Variants in INSR observed in about 807,000 individuals in gnomAD.
INSR encodes the protein insulin receptor.
Under a neutral mutation model 142.6 loss-of-function variants are expected in INSR, and 67 were observed. That is an observed-to-expected ratio of 0.47 (90% confidence interval 0.39 to 0.58). The LOEUF is 0.58. INSR is among the 20% of genes least tolerant of loss of function. INSR has a pLI of 0.00. For synonymous variants in INSR, 756 were observed against 743.1 expected (o/e 1.02, Z -0.28); for missense variants, 1,248 against 1,833.2 (o/e 0.68, Z 5.83).
Position 7,258,353 on chromosome 19 carries a change from G to GCCAGAA in INSR, c.652+8991_652+8992insTTCTGG, listed in dbSNP as rs1358166081. On this transcript the variant is annotated intron_variant, in intron 2 of 21. Transcript: ENST00000302850. ...ACTGAGGAGGCTGACTGAGGTGGCA[G>GCCAGAA]TGGCCTATGATCACCCCACTGCACT... Among the ~76,000 whole-genome samples the GCCAGAA allele has an allele frequency of 8.2e-3, 1,242 of 150,612 alleles. 15 individuals carry two copies. The highest frequency in any genetic ancestry group is 0.01 in the Middle Eastern group (3 of 290).
intron 2 of INSR, among the ~76,000 whole-genome samples, chr19:7,212,776 G>A (rs1359598551): frequency 2.6e-5 from 4 of 151,738 alleles, no homozygotes; most frequent in African/African-American, 7.3e-5. Flanking sequence ...TAGTAAAGAC[G>A]GGGCTTCACC....
chr19:7,207,028 A>T (rs1246633427), intron 2 of INSR, among the ~76,000 whole-genome samples: 1 of 152,166 alleles, frequency 6.6e-6, no homozygotes, highest in African/African-American at 2.4e-5. Flanking sequence ...TTTGAGGGCC[A>T]TTGGGAGCAT....
intron 1 of INSR, among the ~76,000 whole-genome samples, chr19:7,293,479 T>G (rs1043497071): frequency 6.6e-6 from 1 of 152,164 alleles, no homozygotes; most frequent in Non-Finnish European, 1.5e-5. Flanking sequence ...CCGGAGCGAC[T>G]TGGGCTCGGA....
At chr19:7,164,229 G>C (rs1190906644) in intron 8 of INSR, among the ~76,000 whole-genome samples, 1 of 152,022 alleles carries the variant, frequency 6.6e-6, no homozygotes, top group Non-Finnish European at 1.5e-5. Context: ...GCAGGACATG[G>C]AACAGCCTCT....
intron 2 of INSR, among the ~76,000 whole-genome samples, chr19:7,212,061 G>A (rs971492375): frequency 2.6e-5 from 4 of 152,082 alleles, no homozygotes; most frequent in African/African-American, 9.7e-5. Context: ...GGGAGGGGCC[G>A]TCTTGTACAT....
chr19:7,211,772 A>T (rs1975280460), intron 2 of INSR, among the ~76,000 whole-genome samples: 1 of 151,924 alleles, frequency 6.6e-6, no homozygotes, highest in Non-Finnish European at 1.5e-5. Flanking sequence ...ACAATCCACA[A>T]CGCTTATCAG....
Position 7,125,700 on chromosome 19 carries a change from A to G in INSR, c.3014-173T>C, listed in dbSNP as rs1217683126. On this transcript the variant is annotated intron_variant, in intron 16 of 21. Coordinates refer to ENST00000302850, the MANE Select transcript of INSR (RefSeq NM_000208.4). This position sits in a 1 kb window ranked among gnomAD's most constrained non-coding sequence, Gnocchi z 4.9. ...GGCCGAGAACAGGACAGGCATCTGC[A>G]CCCATGGAGAGGGCATGGCAGAGAC... 6.6e-6 allele frequency among the ~76,000 whole-genome samples: 1 copy of G among 152,112 alleles called. No individual in the cohort carries two copies. Among genetic ancestry groups the G allele is most frequent in the Non-Finnish European group, 1.5e-5 (1 of 68,012 alleles).
chr19:7,253,109 GC>G (rs1976781838), intron 2 of INSR, among the ~76,000 whole-genome samples: 1 of 89,674 alleles, frequency 1.1e-5, no homozygotes. Flanking sequence ...GTGAGACTCC[GC>G]CAAAAAAAAA....
intron 1 of INSR, among the ~76,000 whole-genome samples, chr19:7,287,088 A>G (rs546491726): frequency 4.0e-5 from 6 of 151,054 alleles, no homozygotes; most frequent in Admixed American, 1.3e-4. Context: ...GGACACATGT[A>G]ATCCTCCCAC....
At chr19:7,221,636 A>G (rs1445154654) in intron 2 of INSR, among the ~76,000 whole-genome samples, 2 of 150,398 alleles carry the variant, frequency 1.3e-5, no homozygotes, top group Non-Finnish European at 3.0e-5. Context: ...TGAACCTGAG[A>G]GGCGGAGGTT....
intron 2 of INSR, among the ~76,000 whole-genome samples, chr19:7,185,905 A>G (rs1205283852): frequency 1.4e-5 from 2 of 144,004 alleles, no homozygotes; most frequent in African/African-American, 5.2e-5. Context: ...AAGGAAGGAA[A>G]AAAAAAAGGC....
chr19:7,205,102 C>G (rs1056079142), intron 2 of INSR, among the ~76,000 whole-genome samples: 1 of 152,168 alleles, frequency 6.6e-6, no homozygotes, highest in East Asian at 1.9e-4. Flanking sequence ...GTTTACTAGG[C>G]AGCAAAACAC....
intron 2 of INSR, among the ~76,000 whole-genome samples, chr19:7,220,658 T>C (rs1975584344): frequency 2.6e-5 from 4 of 152,082 alleles, no homozygotes; most frequent in Admixed American, 2.0e-4. Context: ...TTCGAAAAAC[T>C]GGGACTAACA....
Position 7,267,408 on chromosome 19 carries a change from G to A in INSR, c.589C>T (p.Pro197Ser). 6.2e-7 allele frequency: 1 copy of A among 1,614,132 alleles called. No homozygotes were observed. Residue 197 changes from proline (P) to serine (S), a missense_variant, in exon 2 of 22, where the codon CCC becomes TCC. Transcript: ENST00000302850. This position sits in a 1 kb window ranked among gnomAD's most constrained non-coding sequence, Gnocchi z 6.3. ...PGTAKGKTNC[P>S]ATVINGQFVE... ...AACTGCCCGTTGATGACGGTGGCGG[G>A]GCAGTTGGTCTTGCCCTTCGCGGTA...
In INSR at chr19:7,168,086, C is replaced by T; in HGVS notation, c.1492G>A (p.Glu498Lys). ...CGAATGTAAGAAAATTTAAGTAACT[C>T]ATTTTCACCTGGAAAAGTTAAAACA... ...TNGDQASCEN[E>K]LLKFSYIRTS... Residue 498 changes from glutamate to lysine, a missense_variant, in exon 7 of 22, where the codon GAG becomes AAG. By Grantham distance (56) the Glu-to-Lys change is moderately conservative. Around this residue, in one of 3 missense-constraint regions of INSR, gnomAD observed 1,069 missense variants for 1,654.0 expected, o/e 0.65. Coordinates refer to ENST00000302850, the MANE Select transcript of INSR (RefSeq NM_000208.4). This position sits in a 1 kb window ranked among gnomAD's most constrained non-coding sequence, Gnocchi z 4.3. 6.2e-7 allele frequency: 1 copy of T among 1,613,920 alleles called. No homozygotes were observed. The highest frequency in any genetic ancestry group is 8.5e-7 in the Non-Finnish European group (1 of 1,179,906).
At position 7,225,877 on chromosome 19, in the gene INSR, G is replaced by C. The variant is rs1415025410; in HGVS notation, c.653-41240C>G. 6.6e-6 allele frequency among the ~76,000 whole-genome samples: 1 copy of C among 152,184 alleles called. No homozygotes were observed. Among genetic ancestry groups the C allele is most frequent in the African/African-American group, 2.4e-5 (1 of 41,450 alleles). ...GGGCGGCGCTCCAGGCATGGAATGGGTGGAAGCCAGGGATGCTGCTAGCAC... is the reference window on the plus strand; with the variant it reads ...GGGCGGCGCTCCAGGCATGGAATGGCTGGAAGCCAGGGATGCTGCTAGCAC... On this transcript the variant is annotated intron_variant, in intron 2 of 21. Coordinates refer to ENST00000302850, the MANE Select transcript of INSR (RefSeq NM_000208.4). This position sits in a 1 kb window ranked among gnomAD's most constrained non-coding sequence, Gnocchi z 4.7.
At chr19:7,203,286 T>C (rs892751960) in intron 2 of INSR, among the ~76,000 whole-genome samples, 3 of 152,166 alleles carry the variant, frequency 2.0e-5, no homozygotes, top group Non-Finnish European at 2.9e-5. Context: ...CTTCAAACCA[T>C]GCAAAAGCTC....
At chr19:7,153,189 C>T (rs1973457336) in intron 9 of INSR, among the ~76,000 whole-genome samples, 2 of 21,312 alleles carry the variant, frequency 9.4e-5, no homozygotes, top group Non-Finnish European at 1.8e-4. Flanking sequence ...CACACAACCA[C>T]ACACACACCA....
Position 7,159,552 on chromosome 19 carries a change from C to T in INSR, c.2029+3480G>A, listed in dbSNP as rs1973697237. On this transcript the variant is annotated intron_variant, in intron 9 of 21. Coordinates refer to ENST00000302850, the MANE Select transcript of INSR (RefSeq NM_000208.4). This position sits in a 1 kb window ranked among gnomAD's most constrained non-coding sequence, Gnocchi z 4.3. ...ATTAAAAAAAAAAAAAAGGAAGCTT[C>T]GAGTGACATTACTGGTGGCAGCTCT... 6.6e-6 allele frequency: 1 copy of T among 151,152 alleles called. No individual in the cohort carries two copies. The highest frequency in any genetic ancestry group is 6.6e-5 in the Admixed American group (1 of 15,148). 9.4% of individuals were successfully genotyped at this position (151,152 alleles called of 1,614,324 possible).
Sources: gnomAD v4.1 joint callset for allele counts (sites outside exome capture counted in the v4.1 genomes callset) on GRCh38, gnomAD v4.1.1 for gene constraint, gnomAD v4.1.1 regional missense constraint, Gnocchi (gnomAD v3.1) non-coding constraint, MANE v1.5 for transcripts, NCBI Gene and HGNC (gene_info 2026-07-23, HGNC 2026-07-21) for gene names.